Variants in SDK1 observed in about 807,000 individuals in gnomAD.
SDK1 encodes the protein protein sidekick-1.
A neutral mutation model predicts 245.5 loss-of-function variants in SDK1; 157 were observed. That is an observed-to-expected ratio of 0.64 (90% CI 0.56 to 0.73). The LOEUF is 0.73. SDK1 is among the 30% of genes least tolerant of loss of function. SDK1 has a pLI of 0.00. For missense variants in SDK1, 3,583 were observed against 3,002.3 expected, an observed-to-expected ratio of 1.19 and a Z score of -4.52; for synonymous variants, 1,647 against 1,278.5, an observed-to-expected ratio of 1.29 and a Z score of -6.15.
At position 3,690,673 on chromosome 7, in the gene SDK1, G is replaced by A. The variant is rs545811592; in HGVS notation, c.713+48568G>A. 1.8e-4 allele frequency among the ~76,000 whole-genome samples: 27 copies of A among 152,214 alleles called. No homozygotes were observed. In the East Asian group the frequency reaches 4.6e-3, roughly 26 times the overall value. On this transcript the variant is annotated intron_variant, in intron 4 of 44. Transcript: ENST00000404826. ...GTTGTTTATAGAAAGTAAGAAAGCA[G>A]GTCTTCTTTTGTAAGATTCCATATT...
In SDK1 at chr7:4,027,694, A is replaced by G. The variant is rs572318235; in HGVS notation, c.2602+10342A>G. On this transcript the variant is annotated intron_variant, in intron 17 of 44. Coordinates refer to ENST00000404826, the MANE Select transcript of SDK1 (RefSeq NM_152744.4). ...AGATGAATAGTAATAATCTTTTCTC[A>G]GGGGTGTTGCAAATAAGCTTTATAT... 3.3e-3 allele frequency among the ~76,000 whole-genome samples: 500 copies of G among 152,348 alleles called. 1 individual carries two copies. Among genetic ancestry groups the G allele is most frequent in the African/African-American group, 0.012 (486 of 41,576 alleles).
intron 20 of SDK1, among the ~76,000 whole-genome samples, chr7:4,071,929 C>G (rs80096386): frequency 6.6e-6 from 1 of 152,212 alleles, no homozygotes; most frequent in Non-Finnish European, 1.5e-5. Flanking sequence ...CAGATACACA[C>G]GTTAGCCCCT....
At chr7:3,337,004 A>G (rs1780218255) in intron 1 of SDK1, among the ~76,000 whole-genome samples, 5 of 151,918 alleles carry the variant, frequency 3.3e-5, no homozygotes, top group Middle Eastern at 6.8e-3. Context: ...TCAAAAACAT[A>G]TAGGATACAA....
At chr7:3,431,419 C>G (rs1000103085) in intron 1 of SDK1, among the ~76,000 whole-genome samples, 35 of 145,356 alleles carry the variant, frequency 2.4e-4, no homozygotes, top group African/African-American at 8.7e-4. Flanking sequence ...ATCCTAATAG[C>G]CTGCTGATTT....
At chr7:4,108,198 G>A (rs1010528039) in intron 22 of SDK1, among the ~76,000 whole-genome samples, 5 of 152,222 alleles carry the variant, frequency 3.3e-5, no homozygotes, top group African/African-American at 9.6e-5. Context: ...CTTCACAGAC[G>A]CGATGGAGGA....
rs7801929 is a variant in SDK1, at chr7:3,920,504, G to C, written c.848-30419G>C. 3.3e-3 allele frequency among the ~76,000 whole-genome samples: 501 copies of C among 152,232 alleles called. 4 individuals carry two copies. The highest frequency in any genetic ancestry group is 0.012 in the African/African-American group (479 of 41,522). On this transcript the variant is annotated intron_variant, in intron 5 of 44. Coordinates refer to ENST00000404826, the MANE Select transcript of SDK1 (RefSeq NM_152744.4). ...GTTTCTAGCTGGAGTGACTAGAGGA[G>C]TGAGGGTGATCTTTTCAGAGCTCAG...
chr7:3,709,829 G>T (rs1784992605), intron 4 of SDK1, among the ~76,000 whole-genome samples: 1 of 152,202 alleles, frequency 6.6e-6, no homozygotes, highest in African/African-American at 2.4e-5. Context: ...CCAAAGGGTA[G>T]AAGCTGTAGG....
chr7:3,356,789 G>A (rs1451601186), intron 1 of SDK1, among the ~76,000 whole-genome samples: 2 of 152,080 alleles, frequency 1.3e-5, no homozygotes, highest in African/African-American at 2.4e-5. Flanking sequence ...CAGGCACGGT[G>A]GCTCATGCCT....
At chr7:3,862,304 A>G (rs1780713443) in intron 5 of SDK1, among the ~76,000 whole-genome samples, 1 of 152,212 alleles carries the variant, frequency 6.6e-6, no homozygotes, top group Non-Finnish European at 1.5e-5. Flanking sequence ...CAAGTTCCCC[A>G]GGTAATTTCT....
chr7:3,383,740 G>C (rs1009739203), intron 1 of SDK1, among the ~76,000 whole-genome samples: 2 of 152,198 alleles, frequency 1.3e-5, no homozygotes, highest in South Asian at 2.1e-4. Flanking sequence ...AAAGGTTAAT[G>C]ATTATCAAAC....
intron 40 of SDK1, among the ~76,000 whole-genome samples, chr7:4,230,944 T>G (rs117355243): frequency 1.3e-3 from 199 of 152,222 alleles, no homozygotes; most frequent in Non-Finnish European, 2.2e-3. Context: ...GATTCCCTGA[T>G]GGATGGCACA....
intron 1 of SDK1, among the ~76,000 whole-genome samples, chr7:3,519,508 C>G (rs192963506): frequency 1.3e-5 from 2 of 152,188 alleles, no homozygotes; most frequent in Non-Finnish European, 2.9e-5. Context: ...GTCAACATTT[C>G]TGTATTGCTT....
chr7:3,515,188 G>C (rs1782705202), intron 1 of SDK1, among the ~76,000 whole-genome samples: 1 of 152,176 alleles, frequency 6.6e-6, no homozygotes, highest in Non-Finnish European at 1.5e-5. Context: ...TTCTGAAGAA[G>C]AGCAGGGCTG....
rs146480829 is a variant in SDK1 at position 3,713,785 on chromosome 7, C to T, written c.713+71680C>T. ...AATTTAATATTTAATTGATTAAATA[C>T]ATGTGATTTGCTAATGTTAAGGTAT... On this transcript the variant is annotated intron_variant, in intron 4 of 44. Transcript: ENST00000404826. Among the ~76,000 whole-genome samples the T allele has an allele frequency of 7.0e-3, 1,059 of 152,302 alleles. 15 individuals carry two copies. Among genetic ancestry groups the T allele is most frequent in the African/African-American group, 0.024 (981 of 41,556 alleles).
Position 3,301,568 on chromosome 7 carries a change from G to T in SDK1, c.-19G>T. 1 of 919,900 alleles carries T rather than the reference G, an allele frequency of 1.1e-6. No individual in the cohort carries two copies. Among genetic ancestry groups the T allele is most frequent in the South Asian group, 4.9e-5 (1 of 20,404 alleles). 57.0% of individuals were successfully genotyped at this position (919,900 alleles called of 1,614,324 possible). ...CGCCCGTCCGTCCGGCGCGGCGCTCGGGGTGGCGGCTGCTCGGCATGGCCC... is the reference window on the plus strand; with the variant it reads ...CGCCCGTCCGTCCGGCGCGGCGCTCTGGGTGGCGGCTGCTCGGCATGGCCC... On this transcript the variant is annotated 5_prime_UTR_variant, in exon 1 of 45. Transcript: ENST00000404826.
At chr7:3,592,253 CAG>C (rs1365607910) in intron 1 of SDK1, among the ~76,000 whole-genome samples, 2 of 152,262 alleles carry the variant, frequency 1.3e-5, no homozygotes, top group East Asian at 3.9e-4. Flanking sequence ...TATAAAATGT[CAG>C]CTATCTATCG....
chr7:3,967,259 G>A (rs1305017276), intron 9 of SDK1, 59 bp from the exon 10 acceptor site: 1 of 1,335,980 alleles, frequency 7.5e-7, no homozygotes, highest in Non-Finnish European at 1.1e-6. Context: ...TACTCTGCCA[G>A]GCTGATGTGA....
chr7:4,041,525 A>T (rs1788635797), intron 17 of SDK1, among the ~76,000 whole-genome samples: 2 of 152,066 alleles, frequency 1.3e-5, no homozygotes, highest in South Asian at 4.1e-4. Flanking sequence ...TTTGAGAAGC[A>T]TATGGTGACA....
At chr7:3,936,754 G>A (rs1412925085) in intron 5 of SDK1, among the ~76,000 whole-genome samples, 5 of 152,200 alleles carry the variant, frequency 3.3e-5, no homozygotes. Flanking sequence ...GTACAAAGAG[G>A]AAAGGCCACT....
Sources: gnomAD v4.1 joint callset for allele counts (sites outside exome capture counted in the v4.1 genomes callset) on GRCh38, gnomAD v4.1.1 for gene constraint, MANE v1.5 for transcripts, NCBI Gene and HGNC (gene_info 2026-07-23, HGNC 2026-07-21) for gene names.